DPYSL5: variants seen among roughly 807,000 people sequenced by gnomAD.
The protein encoded by DPYSL5 is dihydropyrimidinase-related protein 5.
DPYSL5 carries 9 observed loss-of-function variants against 58.4 expected under a neutral mutation model. The observed-to-expected ratio is 0.15, with a 90% CI of 0.09 to 0.27. The LOEUF (loss-of-function observed/expected upper bound fraction) is 0.27, where lower values mean the gene tolerates loss of function less well. DPYSL5 is among the 10% of genes least tolerant of loss of function. The pLI, the probability that DPYSL5 is intolerant of heterozygous loss-of-function variation, is 1.00. For missense variants in DPYSL5, 499 were observed against 770.6 expected, an observed-to-expected ratio of 0.65 and a Z score of 4.17; for synonymous variants, 293 against 301.9, an observed-to-expected ratio of 0.97 and a Z score of 0.31.
chr2:26,885,415 A>G lies in DPYSL5; in HGVS notation c.-4-13081A>G, dbSNP rs541048812. 3.3e-5 allele frequency among the ~76,000 whole-genome samples: 5 copies of G among 152,142 alleles called. No homozygotes were observed. The South Asian group carries it at 8.3e-4, about 25-fold the overall frequency. ...CTACCTTCTCTCCAGTGCAGTGACA[A>G]AGGTGGTAGCAGTTTTCCAGATGTG... On this transcript the variant is annotated intron_variant, in intron 1 of 12. Coordinates refer to ENST00000288699, the MANE Select transcript of DPYSL5 (RefSeq NM_020134.4).
At chr2:26,930,889 G>C (rs1173394926) in intron 5 of DPYSL5, among the ~76,000 whole-genome samples, 1 of 151,586 alleles carries the variant, frequency 6.6e-6, no homozygotes, top group African/African-American at 2.4e-5. Flanking sequence ...CAGGAGAATG[G>C]TGTGAACCCA....
chr2:26,889,418 A>C (rs977307547), intron 1 of DPYSL5, among the ~76,000 whole-genome samples: 9 of 151,868 alleles, frequency 5.9e-5, no homozygotes, highest in East Asian at 1.9e-4. Context: ...TACAGGCGCC[A>C]GCCACCACGC....
At chr2:26,848,952 C>A (rs1346030170) in intron 1 of DPYSL5, among the ~76,000 whole-genome samples, 1 of 152,164 alleles carries the variant, frequency 6.6e-6, no homozygotes, top group East Asian at 1.9e-4. Flanking sequence ...TCGATCTCAG[C>A]GGGCACCGAC....
In DPYSL5 at chr2:26,930,940, C is replaced by T. The variant is rs111890238; in HGVS notation, c.670-700C>T. ...AGTGAGCCAAGATTGCGCCACTGCA[C>T]TCCAGCCTGGGCGACAGAGCAAGAC... On this transcript the variant is annotated intron_variant, in intron 5 of 12. Transcript: ENST00000288699. 2.4e-3 allele frequency among the ~76,000 whole-genome samples: 365 copies of T among 150,022 alleles called. 2 individuals carry two copies. The highest frequency in any genetic ancestry group is 6.8e-3 in the Middle Eastern group (2 of 292).
chr2:26,933,733 C>T lies in DPYSL5; in HGVS notation c.790+400C>T, dbSNP rs1295824598. ...ATTTCAGGGGCTGTTTGGGAAGTCCCTAAAGAAAGAACAGTGTGTGGGCCC... is the reference window on the plus strand; with the variant it reads ...ATTTCAGGGGCTGTTTGGGAAGTCCTTAAAGAAAGAACAGTGTGTGGGCCC... On this transcript the variant is annotated intron_variant, in intron 7 of 12. Coordinates refer to ENST00000288699, the MANE Select transcript of DPYSL5 (RefSeq NM_020134.4). The surrounding 1 kb of genome is among the most constrained non-coding windows in gnomAD (Gnocchi z 4.2). Among the ~76,000 whole-genome samples, 1 of 152,190 alleles carries T rather than the reference C, an allele frequency of 6.6e-6. No homozygotes were observed. Among genetic ancestry groups the T allele is most frequent in the Non-Finnish European group, 1.5e-5 (1 of 68,034 alleles).
In DPYSL5 at chr2:26,948,950, C is replaced by T. The variant is rs1310681976; in HGVS notation, c.*1955C>T. On this transcript the variant is annotated 3_prime_UTR_variant, in exon 13 of 13. Coordinates refer to ENST00000288699, the MANE Select transcript of DPYSL5 (RefSeq NM_020134.4). ...TTCCGTATATGACCTCTCACTTAGT[C>T]CTCATGACAATGGAGCACTTATTAT... 3 of 152,224 alleles carry T rather than the reference C, an allele frequency of 2.0e-5. No homozygotes were observed. Among genetic ancestry groups the T allele is most frequent in the African/African-American group, 4.8e-5 (2 of 41,448 alleles). The allele number at this position is 152,224 out of a possible 1,614,324, so 9.4% of individuals were successfully genotyped here. A position where few individuals can be genotyped will look rare whatever the true frequency, so the allele number is the denominator to read the frequency against.
chr2:26,884,932 C>T (rs1196845798), intron 1 of DPYSL5, among the ~76,000 whole-genome samples: 1 of 152,208 alleles, frequency 6.6e-6, no homozygotes, highest in African/African-American at 2.4e-5. Flanking sequence ...GGCATGGTGG[C>T]TCATGCCTGT....
Position 26,888,017 on chromosome 2 carries a change from T to G in DPYSL5, c.-4-10479T>G, listed in dbSNP as rs557978122. ...TGAATAAACTGTAAACATCATAAGA[T>G]CCCTGTGCTTGCAGTGTGACACCTT... is the stretch of plus-strand genomic sequence containing the variant. On this transcript the variant is annotated intron_variant, in intron 1 of 12. Coordinates refer to ENST00000288699, the MANE Select transcript of DPYSL5 (RefSeq NM_020134.4). Among the ~76,000 whole-genome samples the G allele has an allele frequency of 6.6e-5, 10 of 152,304 alleles. No homozygotes were observed. The South Asian group carries it at 2.1e-3, about 32-fold the overall frequency.
chr2:26,937,751 T>C (rs1050033152), intron 8 of DPYSL5, among the ~76,000 whole-genome samples: 31 of 150,764 alleles, frequency 2.1e-4, no homozygotes, highest in African/African-American at 7.3e-4. Flanking sequence ...TTTTTGTTTG[T>C]TTGTTTGTTT....
intron 2 of DPYSL5, among the ~76,000 whole-genome samples, chr2:26,904,824 G>A (rs1664248848): frequency 6.6e-6 from 1 of 152,196 alleles, no homozygotes; most frequent in Admixed American, 6.5e-5. Context: ...GATCATCTGA[G>A]CCCAGGAAAG....
At chr2:26,870,886 A>G (rs1476403157) in intron 1 of DPYSL5, among the ~76,000 whole-genome samples, 2 of 152,162 alleles carry the variant, frequency 1.3e-5, no homozygotes, top group African/African-American at 2.4e-5. Context: ...AATAGTTAAT[A>G]CATTTCCTTA....
intron 1 of DPYSL5, among the ~76,000 whole-genome samples, chr2:26,852,708 G>A (rs1572666668): frequency 6.6e-6 from 1 of 152,186 alleles, no homozygotes; most frequent in East Asian, 1.9e-4. Context: ...TGTGCAATGA[G>A]GATGGTTGTA....
At chr2:26,890,491 G>T (rs989812529) in intron 1 of DPYSL5, among the ~76,000 whole-genome samples, 3 of 152,220 alleles carry the variant, frequency 2.0e-5, no homozygotes, top group Admixed American at 6.5e-5. Context: ...GAACCCTGAG[G>T]CTGAAGCCCT....
At chr2:26,882,128 G>A (rs1558329575) in intron 1 of DPYSL5, among the ~76,000 whole-genome samples, 2 of 150,400 alleles carry the variant, frequency 1.3e-5, no homozygotes, top group African/African-American at 2.4e-5. Context: ...AAAGGAAATT[G>A]GTTTGTCCCA....
At chr2:26,906,066 G>A (rs1239662696) in intron 2 of DPYSL5, among the ~76,000 whole-genome samples, 2 of 152,036 alleles carry the variant, frequency 1.3e-5, no homozygotes, top group Non-Finnish European at 2.9e-5. Flanking sequence ...CCTGGAGGCT[G>A]CCAGCACCCT....
At chr2:26,921,640 T>C (rs1206318207) in intron 2 of DPYSL5, among the ~76,000 whole-genome samples, 1 of 152,234 alleles carries the variant, frequency 6.6e-6, no homozygotes, top group East Asian at 1.9e-4. Flanking sequence ...TCTATGTATG[T>C]CTTGCCTAAG....
chr2:26,917,069 G>A (rs944355698), intron 2 of DPYSL5, among the ~76,000 whole-genome samples: 2 of 152,178 alleles, frequency 1.3e-5, no homozygotes, highest in Non-Finnish European at 2.9e-5. Flanking sequence ...CATGAGGGAG[G>A]TATTACTATC....
chr2:26,938,541 T>C (rs1371256070), intron 8 of DPYSL5: 1 of 152,246 alleles, frequency 6.6e-6, no homozygotes, highest in Non-Finnish European at 1.5e-5. Flanking sequence ...GGAAGAGCGA[T>C]GCATCTTCAC....
intron 1 of DPYSL5, among the ~76,000 whole-genome samples, chr2:26,872,505 C>T (rs1572679439): frequency 1.3e-5 from 2 of 152,228 alleles, no homozygotes; most frequent in South Asian, 4.1e-4. Context: ...GCCTGCCCAA[C>T]ATGGTGAAAC....
Sources: allele counts gnomAD v4.1 joint callset (sites outside exome capture counted in the v4.1 genomes callset), GRCh38; gene constraint gnomAD v4.1.1; non-coding constraint Gnocchi (gnomAD v3.1); transcripts MANE v1.5; gene names NCBI Gene and HGNC (gene_info 2026-07-23, HGNC 2026-07-21).